Variants in ATXN1 observed in about 807,000 individuals in gnomAD.
ATXN1 encodes ataxin-1.
A neutral mutation model predicts 56.4 loss-of-function variants in ATXN1; 8 were observed. The observed-to-expected ratio is 0.14, with a 90% CI of 0.08 to 0.26. ATXN1 has a LOEUF of 0.26. Ranked by LOEUF, ATXN1 falls within the 10% of genes least tolerant of loss-of-function variation. The probability of loss-of-function intolerance (pLI) is 1.00; values close to 1 mark genes in which losing one functional copy is unlikely to be tolerated. For missense variants in ATXN1, 987 were observed against 1,106.5 expected (o/e 0.89, Z 1.53); for synonymous variants, 514 against 494.6 (o/e 1.04, Z -0.52).
chr6:16,545,984 G>A (rs1761807750), intron 4 of ATXN1, among the ~76,000 whole-genome samples: 1 of 152,156 alleles, frequency 6.6e-6, no homozygotes, highest in East Asian at 1.9e-4. Flanking sequence ...GGAGGGTGTC[G>A]GAAAAGTCTC....
chr6:16,747,670 A>C (rs1233666208), intron 2 of ATXN1, among the ~76,000 whole-genome samples: 1 of 152,186 alleles, frequency 6.6e-6, no homozygotes, highest in Non-Finnish European at 1.5e-5. Context: ...CAAAAAAAAA[A>C]AAAACAAAAG....
Position 16,662,496 on chromosome 6 carries a change from C to T in ATXN1, c.-614-4595G>A, listed in dbSNP as rs565615218. Reference sequence around the variant, plus strand: ...TACAGGCACACGCCACCACGCCCAGCTAATTTTTTGTATTTTTAGTAGAGA... The same window carrying T: ...TACAGGCACACGCCACCACGCCCAGTTAATTTTTTGTATTTTTAGTAGAGA... On this transcript the variant is annotated intron_variant, in intron 2 of 7. Transcript: ENST00000436367. Among the ~76,000 whole-genome samples the T allele has an allele frequency of 9.9e-5, 15 of 152,266 alleles. No individual in the cohort carries two copies. The South Asian group carries it at 1.9e-3, about 19-fold the overall frequency.
intron 6 of ATXN1, among the ~76,000 whole-genome samples, chr6:16,481,980 G>T (rs1378911690): frequency 6.6e-6 from 1 of 151,604 alleles, no homozygotes; most frequent in East Asian, 1.9e-4. Flanking sequence ...AAAAGTATTA[G>T]AAAATCCCCA....
intron 2 of ATXN1, among the ~76,000 whole-genome samples, chr6:16,705,637 T>C (rs1368559782): frequency 7.9e-5 from 12 of 152,146 alleles, no homozygotes; most frequent in Admixed American, 7.2e-4. Flanking sequence ...TCCAATCTGC[T>C]CATTCTTTCC....
chr6:16,585,714 C>T (rs1451522417), intron 4 of ATXN1, 66 bp downstream of exon 4: 2 of 152,148 alleles, frequency 1.3e-5, no homozygotes, highest in Non-Finnish European at 1.5e-5. Context: ...ACACCCCCAC[C>T]ACTATCTTGG....
At chr6:16,338,784 ATC>A (rs1761181169) in intron 6 of ATXN1, among the ~76,000 whole-genome samples, 1 of 152,130 alleles carries the variant, frequency 6.6e-6, no homozygotes, top group Non-Finnish European at 1.5e-5. Flanking sequence ...TCTTTCAAAC[ATC>A]TGTTTTTTCC....
chr6:16,744,311 G>A (rs574453342), intron 2 of ATXN1, among the ~76,000 whole-genome samples: 2 of 152,260 alleles, frequency 1.3e-5, no homozygotes, highest in South Asian at 2.1e-4. Flanking sequence ...CTACATGGAT[G>A]AAAACCAGCG....
intron 6 of ATXN1, among the ~76,000 whole-genome samples, chr6:16,331,617 G>C (rs1760995614): frequency 6.6e-6 from 1 of 152,186 alleles, no homozygotes; most frequent in South Asian, 2.1e-4. Context: ...GCATATAGTA[G>C]GCCCAGCCAG....
At chr6:16,751,558 T>A (rs1270753865) in intron 2 of ATXN1, among the ~76,000 whole-genome samples, 2 of 148,026 alleles carry the variant, frequency 1.4e-5, no homozygotes, top group African/African-American at 5.1e-5. Flanking sequence ...CATTTATGCA[T>A]GCAATTCATC....
intron 2 of ATXN1, among the ~76,000 whole-genome samples, chr6:16,679,778 T>A (rs1056890576): frequency 1.3e-5 from 2 of 152,168 alleles, no homozygotes; most frequent in Admixed American, 6.5e-5. Context: ...GGGGATTAGA[T>A]AAAGATAAGT....
At chr6:16,474,012 T>C (rs1333333679) in intron 6 of ATXN1, among the ~76,000 whole-genome samples, 1 of 152,212 alleles carries the variant, frequency 6.6e-6, no homozygotes, top group Non-Finnish European at 1.5e-5. Flanking sequence ...ACCACTCCCC[T>C]GTCTTCAAGA....
intron 3 of ATXN1, among the ~76,000 whole-genome samples, chr6:16,627,620 G>C (rs374243209): frequency 1.4e-4 from 22 of 152,066 alleles, no homozygotes; most frequent in African/African-American, 5.3e-4. Flanking sequence ...CTAGCTACTC[G>C]GGAGGCTGAG....
chr6:16,662,431 C>T lies in ATXN1; in HGVS notation c.-614-4530G>A, dbSNP rs567892603. On this transcript the variant is annotated intron_variant, in intron 2 of 7. Coordinates refer to ENST00000436367, the MANE Select transcript of ATXN1 (RefSeq NM_001128164.2). ...CACTGCAACCTCTGCCTCTCAGGTT[C>T]AAGCAATTCTCCTGCCTCAGCCTCC... Among the ~76,000 whole-genome samples, 512 of 152,276 alleles carry T rather than the reference C, an allele frequency of 3.4e-3. 1 individual carries two copies. The highest frequency in any genetic ancestry group is 6.4e-3 in the Non-Finnish European group (435 of 68,028).
intron 6 of ATXN1, among the ~76,000 whole-genome samples, chr6:16,384,939 A>T (rs1758208206): frequency 6.6e-6 from 1 of 152,244 alleles, no homozygotes; most frequent in South Asian, 2.1e-4. Context: ...GAGATGGTCA[A>T]GAGAACAGAC....
chr6:16,575,614 TGTTCATTCA>T (rs1158304395), intron 4 of ATXN1, among the ~76,000 whole-genome samples: 6 of 152,250 alleles, frequency 3.9e-5, no homozygotes, highest in African/African-American at 1.4e-4. Context: ...TCAGCTCATC[TGTTCATTCA>T]TTTGACAGGT....
chr6:16,622,910 A>C (rs570200458), intron 3 of ATXN1, among the ~76,000 whole-genome samples: 2 of 152,186 alleles, frequency 1.3e-5, no homozygotes, highest in East Asian at 3.9e-4. Context: ...TTACTTGTTT[A>C]ATGATGCATA....
chr6:16,616,552 T>TAA (rs1169824092), intron 3 of ATXN1, among the ~76,000 whole-genome samples: 7 of 146,020 alleles, frequency 4.8e-5, no homozygotes, highest in African/African-American at 1.7e-4. Context: ...AAAATATATA[T>TAA]AATATATTTT....
At chr6:16,572,007 G>A (rs1057122057) in intron 4 of ATXN1, among the ~76,000 whole-genome samples, 1 of 152,064 alleles carries the variant, frequency 6.6e-6, no homozygotes, top group African/African-American at 2.4e-5. Context: ...ATTATATCGT[G>A]CAATGCTATG....
Position 16,508,962 on chromosome 6 carries a change from C to A in ATXN1, c.-299+13665G>T, listed in dbSNP as rs184931424. On this transcript the variant is annotated intron_variant, in intron 5 of 7. Coordinates refer to ENST00000436367, the MANE Select transcript of ATXN1 (RefSeq NM_001128164.2). Reference sequence around the variant, plus strand: ...AAAAAAGAAATTCTGACACATGTTACAACATGGATGACCTTGAGGACATTA... The same window carrying A: ...AAAAAAGAAATTCTGACACATGTTAAAACATGGATGACCTTGAGGACATTA... Among the ~76,000 whole-genome samples the A allele has an allele frequency of 2.6e-5, 4 of 152,226 alleles. No homozygotes were observed. In the East Asian group the frequency reaches 7.7e-4, roughly 29 times the overall value.
Sources: gnomAD v4.1 joint callset for allele counts (sites outside exome capture counted in the v4.1 genomes callset) on GRCh38, gnomAD v4.1.1 for gene constraint, MANE v1.5 for transcripts, NCBI Gene and HGNC (gene_info 2026-07-23, HGNC 2026-07-21) for gene names.